Variants in PCDH15 observed in about 807,000 individuals in gnomAD.
PCDH15 encodes protocadherin related 15.
A neutral mutation model predicts 178.5 loss-of-function variants in PCDH15; 129 were observed. The ratio of observed to expected loss-of-function variants is 0.72; its 90% CI spans 0.63 to 0.84. The LOEUF (loss-of-function observed/expected upper bound fraction) is 0.84. Ranked by LOEUF, PCDH15 falls within the 40% of genes least tolerant of loss-of-function variation. The pLI, the probability that PCDH15 is intolerant of heterozygous loss-of-function variation, is 0.00. For synonymous variants in PCDH15, 800 were observed against 732.0 expected (o/e 1.09, Z -1.50); for missense variants, 2,230 against 2,099.9 (o/e 1.06, Z -1.21).
chr10:54,683,853 T>G (rs547143172), intron 1 of PCDH15, among the ~76,000 whole-genome samples: 1 of 152,254 alleles, frequency 6.6e-6, no homozygotes, highest in East Asian at 1.9e-4. Context: ...TTTCTGAACT[T>G]TTCAAACCCT....
intron 3 of PCDH15, among the ~76,000 whole-genome samples, chr10:54,849,376 G>A (rs189522576): frequency 2.0e-5 from 3 of 151,952 alleles, no homozygotes; most frequent in Non-Finnish European, 2.9e-5. Flanking sequence ...TTATCTTCCC[G>A]ACCTTTTTCC....
chr10:54,496,545 C>G (rs555343306), intron 3 of PCDH15, among the ~76,000 whole-genome samples: 12 of 152,278 alleles, frequency 7.9e-5, no homozygotes, highest in Middle Eastern at 3.4e-3. Context: ...GTTCATTCAA[C>G]TATACAAAAC....
At chr10:54,671,404 G>A (rs931579851) in intron 1 of PCDH15, among the ~76,000 whole-genome samples, 4 of 152,206 alleles carry the variant, frequency 2.6e-5, no homozygotes. Flanking sequence ...GAGACTAAAC[G>A]TAAAAGTATG....
chr10:54,270,788 T>G (rs1380574639), intron 8 of PCDH15, among the ~76,000 whole-genome samples: 3 of 152,192 alleles, frequency 2.0e-5, no homozygotes, highest in African/African-American at 4.8e-5. Flanking sequence ...GACTACTTAC[T>G]GCTAGACACT....
intron 20 of PCDH15, among the ~76,000 whole-genome samples, chr10:54,000,651 A>T (rs1049672031): frequency 5.3e-5 from 8 of 152,000 alleles, no homozygotes; most frequent in African/African-American, 1.9e-4. Flanking sequence ...GGCAAGAGAA[A>T]AAAAAGAACA....
chr10:54,731,539 GAGAT>G (rs199507675), intron 1 of PCDH15, among the ~76,000 whole-genome samples: 10,177 of 33,154 alleles, frequency 0.31, 1,087 homozygotes, highest in Non-Finnish European at 0.44. Flanking sequence ...AAGAAAATGT[GAGAT>G]AGATATATAT....
intron 37 of PCDH15, chr10:53,808,677 C>A (rs776489483): frequency 6.2e-7 from 1 of 1,607,082 alleles, no homozygotes; most frequent in Non-Finnish European, 8.5e-7. Flanking sequence ...AAACTTCCAC[C>A]TACTGTGATC....
chr10:54,479,964 T>C (rs1449300252), intron 3 of PCDH15, among the ~76,000 whole-genome samples: 1 of 152,072 alleles, frequency 6.6e-6, no homozygotes, highest in Admixed American at 6.6e-5. Flanking sequence ...AGTGATTTGA[T>C]TTAGATGAGT....
intron 21 of PCDH15, among the ~76,000 whole-genome samples, chr10:53,988,959 C>T (rs2091289568): frequency 6.6e-6 from 1 of 152,238 alleles, no homozygotes; most frequent in South Asian, 2.1e-4. Context: ...TTCGGAGAGA[C>T]TTTGGCACTG....
chr10:55,560,129 G>A (rs576728356), intron 2 of PCDH15, among the ~76,000 whole-genome samples: 1 of 151,996 alleles, frequency 6.6e-6, no homozygotes, highest in African/African-American at 2.4e-5. Flanking sequence ...AAAATGGCCT[G>A]CCACATTTAG....
chr10:55,432,871 G>A (rs1307018583), intron 2 of PCDH15, among the ~76,000 whole-genome samples: 1 of 151,606 alleles, frequency 6.6e-6, no homozygotes, highest in Non-Finnish European at 1.5e-5. Flanking sequence ...TGATCCGCCC[G>A]CCTCGGCCTC....
intron 2 of PCDH15, among the ~76,000 whole-genome samples, chr10:54,652,039 AT>A (rs1268069622): frequency 1.3e-5 from 2 of 152,090 alleles, no homozygotes; most frequent in South Asian, 2.1e-4. Flanking sequence ...TCTAATTCCA[AT>A]TTTCATTGAA....
At chr10:55,319,405 A>G (rs1843824394) in intron 1 of PCDH15, among the ~76,000 whole-genome samples, 1 of 152,168 alleles carries the variant, frequency 6.6e-6, no homozygotes, top group South Asian at 2.1e-4. Context: ...CAAATATAAA[A>G]CATATAGAAA....
At chr10:54,338,481 A>T (rs1941620043) in intron 6 of PCDH15, among the ~76,000 whole-genome samples, 1 of 152,160 alleles carries the variant, frequency 6.6e-6, no homozygotes, top group South Asian at 2.1e-4. Flanking sequence ...TGTCCTTAAA[A>T]TGTGGTTTTA....
At chr10:55,542,456 A>C (rs1841786571) in intron 2 of PCDH15, among the ~76,000 whole-genome samples, 1 of 150,980 alleles carries the variant, frequency 6.6e-6, no homozygotes, top group Non-Finnish European at 1.5e-5. Flanking sequence ...ATATGTATTT[A>C]ATACGTATTT....
At chr10:54,111,982 A>C (rs975228494) in intron 15 of PCDH15, among the ~76,000 whole-genome samples, 13 of 130,704 alleles carry the variant, frequency 9.9e-5, no homozygotes, top group African/African-American at 1.4e-4. Flanking sequence ...CAAAAAAAAA[A>C]AAAAACAAAA....
intron 2 of PCDH15, among the ~76,000 whole-genome samples, chr10:54,927,314 T>G (rs1837657965): frequency 6.6e-6 from 1 of 152,138 alleles, no homozygotes; most frequent in Non-Finnish European, 1.5e-5. Context: ...TGTTATGATT[T>G]TAGGTGTTTT....
At chr10:54,709,107 T>C (rs1325424355) in intron 1 of PCDH15, among the ~76,000 whole-genome samples, 1 of 152,072 alleles carries the variant, frequency 6.6e-6, no homozygotes, top group African/African-American at 2.4e-5. Flanking sequence ...TCTTCTTTCA[T>C]TCCAAAGAAA....
intron 3 of PCDH15, among the ~76,000 whole-genome samples, chr10:54,471,067 A>C (rs1165494494): frequency 6.6e-6 from 1 of 152,228 alleles, no homozygotes; most frequent in Non-Finnish European, 1.5e-5. Context: ...AGTCTTACTG[A>C]TAATATATTC....
Sources: allele counts gnomAD v4.1 joint callset (sites outside exome capture counted in the v4.1 genomes callset), GRCh38; gene constraint gnomAD v4.1.1; transcripts MANE v1.5; gene names NCBI Gene and HGNC (gene_info 2026-07-23, HGNC 2026-07-21).